The following CPT1A variants were observed in gnomAD, a reference collection of about 807,000 sequenced individuals.
The protein encoded by CPT1A is carnitine palmitoyltransferase 1A.
A neutral mutation model predicts 100.8 loss-of-function variants in CPT1A; 64 were observed. The observed-to-expected ratio is 0.63, with a 90% CI of 0.52 to 0.78. CPT1A has a LOEUF of 0.78. Among genes scored for constraint, CPT1A ranks in the 30% least tolerant of loss-of-function variants. CPT1A has a pLI of 0.00. For missense variants in CPT1A, 802 were observed against 1,034.1 expected (o/e 0.78, Z 3.08); for synonymous variants, 363 against 396.0 (o/e 0.92, Z 0.99).
At chr11:68,809,613 C>T (rs1856143813) in intron 3 of CPT1A, among the ~76,000 whole-genome samples, 1 of 152,066 alleles carries the variant, frequency 6.6e-6, no homozygotes. Flanking sequence ...AATTACAGGC[C>T]ACCGCACCCA....
chr11:68,791,130 G>A (rs1219849110), intron 9 of CPT1A, among the ~76,000 whole-genome samples: 1 of 152,110 alleles, frequency 6.6e-6, no homozygotes, highest in Non-Finnish European at 1.5e-5. Flanking sequence ...GGCCTCCCTT[G>A]TTTATTTTTT....
chr11:68,772,868 G>A (rs1855028189), intron 14 of CPT1A, among the ~76,000 whole-genome samples: 2 of 152,114 alleles, frequency 1.3e-5, no homozygotes, highest in Non-Finnish European at 2.9e-5. Flanking sequence ...CCTGTGTGAA[G>A]TGCAGATTTA....
chr11:68,775,507 G>T, intron 12 of CPT1A, 75 bp from the exon 13 acceptor site: 1 of 1,182,570 alleles, frequency 8.5e-7, no homozygotes. Flanking sequence ...ATGAAGAGAG[G>T]GTTGTTCTTT....
At chr11:68,838,585 A>AAAAAAAAAAC (rs1208890772) in intron 1 of CPT1A, among the ~76,000 whole-genome samples, 5 of 147,572 alleles carry the variant, frequency 3.4e-5, no homozygotes, top group Admixed American at 2.7e-4. Flanking sequence ...AAAAAAAAAA[A>AAAAAAAAAAC]AAAAAACAGA....
intron 1 of CPT1A, among the ~76,000 whole-genome samples, chr11:68,829,854 G>A (rs547045286): frequency 4.6e-5 from 7 of 151,982 alleles, no homozygotes; most frequent in African/African-American, 1.7e-4. Flanking sequence ...ACAACACATC[G>A]TCTGGCATTG....
At chr11:68,794,990 C>T (rs1327780326) in intron 7 of CPT1A, 79 bp from the exon 8 acceptor site, 27 of 1,068,132 alleles carry the variant, frequency 2.5e-5, no homozygotes, top group Non-Finnish European at 3.7e-5. Context: ...ATCCTGCACA[C>T]TGTCACAATA....
At chr11:68,821,076 T>C (rs1247504928) in intron 1 of CPT1A, among the ~76,000 whole-genome samples, 2 of 152,252 alleles carry the variant, frequency 1.3e-5, no homozygotes, top group East Asian at 3.8e-4. Context: ...GTTCAAGTGA[T>C]TCTCCTGCCT....
At chr11:68,773,239 C>G (rs1168855251) in intron 14 of CPT1A, 26 bp downstream of exon 14, 15 of 1,613,000 alleles carry the variant, frequency 9.3e-6, no homozygotes, top group Non-Finnish European at 1.3e-5. Flanking sequence ...GTGCTCACGA[C>G]AAAACCCTAG....
chr11:68,807,846 C>G (rs751139952), intron 3 of CPT1A, among the ~76,000 whole-genome samples: 6 of 152,258 alleles, frequency 3.9e-5, no homozygotes, highest in Non-Finnish European at 5.9e-5. Context: ...ACCAATCACG[C>G]CGAAAGTAGC....
At position 68,815,372 on chromosome 11, in the gene CPT1A, C is replaced by T. The variant is rs1157774785; in HGVS notation, c.103G>A (p.Gly35Arg). The T allele has an allele frequency of 6.2e-7, 1 of 1,614,086 alleles. No individual in the cohort carries two copies. Among genetic ancestry groups the T allele is most frequent in the African/African-American group, 1.3e-5 (1 of 75,008 alleles). Residue 35 changes from glycine to arginine, a missense_variant, in exon 2 of 19, where the codon GGA becomes AGA. By Grantham distance (125) the Gly-to-Arg change is moderately radical. Transcript: ENST00000265641. ...AACTTCTTTTTCCAGGAATGAAGTC[C>T]AGAGAGATAGATTTGTCTAAGAGCT... Reference protein sequence around the residue: ...HEALRQIYLSGLHSWKKKFIR... With the variant: ...HEALRQIYLSRLHSWKKKFIR...
At chr11:68,803,010 G>A (rs760609482) in intron 5 of CPT1A, among the ~76,000 whole-genome samples, 101 of 152,204 alleles carry the variant, frequency 6.6e-4, no homozygotes, top group African/African-American at 1.4e-3. Flanking sequence ...TTTGAAGTGC[G>A]GCTGCTGTGT....
chr11:68,768,144 C>T (rs941373442), intron 14 of CPT1A, among the ~76,000 whole-genome samples: 13 of 125,112 alleles, frequency 1.0e-4, no homozygotes, highest in African/African-American at 4.1e-4. Context: ...GGTGCGATCT[C>T]GGCTCACTGG....
chr11:68,794,981 T>C (rs570192288), intron 7 of CPT1A, 70 bp from the exon 8 acceptor site: 1 of 1,127,684 alleles, frequency 8.9e-7, no homozygotes, highest in South Asian at 1.2e-5. Flanking sequence ...TCACAGCACA[T>C]CCTGCACACT....
intron 12 of CPT1A, among the ~76,000 whole-genome samples, 195 bp downstream of exon 12, chr11:68,780,445 G>A (rs1226494335): frequency 2.6e-5 from 4 of 152,098 alleles, no homozygotes; most frequent in Admixed American, 6.6e-5. Context: ...CACCATGCCC[G>A]GCTAATTTTT....
intron 6 of CPT1A, 62 bp downstream of exon 6, chr11:68,799,156 C>T: frequency 6.7e-7 from 1 of 1,489,760 alleles, no homozygotes; most frequent in Non-Finnish European, 9.3e-7. Context: ...ATCCCTGCCC[C>T]TCAAAATTAG....
At chr11:68,777,779 CT>C (rs1294827260) in intron 12 of CPT1A, among the ~76,000 whole-genome samples, 1 of 152,190 alleles carries the variant, frequency 6.6e-6, no homozygotes, top group Non-Finnish European at 1.5e-5. Context: ...GGTCCCGACT[CT>C]TTTTCTTTTG....
Position 68,781,995 on chromosome 11 carries a change from G to C in CPT1A, c.1164-36C>G, listed in dbSNP as rs184020469. The C allele has an allele frequency of 4.3e-4, 681 of 1,566,784 alleles. 2 individuals are homozygous for C. The African/African-American group carries it at 8.1e-3, about 19-fold the overall frequency. On this transcript the variant is annotated intron_variant, in intron 10 of 18. Transcript: ENST00000265641. Reference sequence around the variant, plus strand: ...GATGAAATACGATTAAAGGCAGCCCGACCTGCAGCGATGGAGCGTGATGTT... The same window carrying C: ...GATGAAATACGATTAAAGGCAGCCCCACCTGCAGCGATGGAGCGTGATGTT...
intron 1 of CPT1A, among the ~76,000 whole-genome samples, chr11:68,819,338 C>T (rs1856516931): frequency 6.6e-6 from 1 of 152,146 alleles, no homozygotes; most frequent in African/African-American, 2.4e-5. Context: ...CCTCGGCCTC[C>T]CAAAGTGCCG....
At chr11:68,794,703 G>C in intron 8 of CPT1A, 101 bp downstream of exon 8, 1 of 1,046,254 alleles carries the variant, frequency 9.6e-7, no homozygotes, top group Non-Finnish European at 1.5e-6. Context: ...GAGACCCTGT[G>C]CCCGGCCACA....
Sources: allele counts gnomAD v4.1 joint callset (sites outside exome capture counted in the v4.1 genomes callset), GRCh38; gene constraint gnomAD v4.1.1; transcripts MANE v1.5; gene names NCBI Gene and HGNC (gene_info 2026-07-23, HGNC 2026-07-21).